FBXL17: variants seen among roughly 807,000 people sequenced by gnomAD.
The protein encoded by FBXL17 is F-box/LRR-repeat protein 17.
A neutral mutation model predicts 66.2 loss-of-function variants in FBXL17; 22 were observed. The observed-to-expected ratio is 0.33, with a 90% CI of 0.24 to 0.47. The LOEUF (loss-of-function observed/expected upper bound fraction) is 0.47. FBXL17 is among the 20% of genes least tolerant of loss of function. The pLI, the probability that FBXL17 is intolerant of heterozygous loss-of-function variation, is 1.00. For missense variants in FBXL17, 878 were observed against 948.2 expected (o/e 0.93, Z 0.97); for synonymous variants, 474 against 400.5 (o/e 1.18, Z -2.19).
chr5:108,284,678 C>T (rs1418497957), intron 4 of FBXL17, among the ~76,000 whole-genome samples: 1 of 151,800 alleles, frequency 6.6e-6, no homozygotes, highest in Non-Finnish European at 1.5e-5. Context: ...AACAAAATTG[C>T]ACATGTACCC....
chr5:108,150,878 A>G (rs1360916299), intron 6 of FBXL17, among the ~76,000 whole-genome samples: 1 of 152,164 alleles, frequency 6.6e-6, no homozygotes, highest in African/African-American at 2.4e-5. Flanking sequence ...GCCCTACATA[A>G]TTAATAATTA....
intron 4 of FBXL17, among the ~76,000 whole-genome samples, chr5:108,233,480 T>C (rs1035624859): frequency 1.3e-5 from 2 of 152,190 alleles, no homozygotes; most frequent in South Asian, 4.2e-4. Context: ...GACTCAGGAT[T>C]TGGAAAGAAG....
At chr5:108,342,092 T>G (rs1746921316) in intron 4 of FBXL17, among the ~76,000 whole-genome samples, 1 of 152,178 alleles carries the variant, frequency 6.6e-6, no homozygotes, top group African/African-American at 2.4e-5. Flanking sequence ...ACATAGTAAC[T>G]GTTCAAATGT....
chr5:108,159,151 C>T (rs914259952), intron 6 of FBXL17, among the ~76,000 whole-genome samples: 9 of 152,138 alleles, frequency 5.9e-5, no homozygotes, highest in African/African-American at 2.2e-4. Context: ...TTACTCTAAA[C>T]AGAGAAATCT....
chr5:108,038,440 A>C (rs1746929040), intron 6 of FBXL17, among the ~76,000 whole-genome samples: 1 of 152,072 alleles, frequency 6.6e-6, no homozygotes. Context: ...TCAATGGCAA[A>C]ATGTTGGCAA....
intron 7 of FBXL17, among the ~76,000 whole-genome samples, chr5:107,950,134 T>C (rs910540258): frequency 1.3e-5 from 2 of 152,116 alleles, no homozygotes; most frequent in African/African-American, 4.8e-5. Context: ...GAGAGGGTTG[T>C]TGAAGAAGGG....
intron 5 of FBXL17, among the ~76,000 whole-genome samples, chr5:108,211,424 T>G (rs1754366045): frequency 6.6e-6 from 1 of 152,218 alleles, no homozygotes; most frequent in Non-Finnish European, 1.5e-5. Flanking sequence ...ATAGTATCGA[T>G]GTTCTTTACA....
Position 108,172,165 on chromosome 5 carries a change from G to A in FBXL17, c.1745+13952C>T, listed in dbSNP as rs77973676. 7.3e-3 allele frequency among the ~76,000 whole-genome samples: 1,106 copies of A among 152,320 alleles called. 15 individuals carry two copies. The highest frequency in any genetic ancestry group is 0.025 in the African/African-American group (1,036 of 41,574). On this transcript the variant is annotated intron_variant, in intron 6 of 8. Transcript: ENST00000542267. ...ACATGTTTGACAGTTGGTTCTGGCT[G>A]TTGTTTAGACTTCCATCTTCATGTG...
intron 6 of FBXL17, among the ~76,000 whole-genome samples, chr5:108,152,034 T>A (rs1561435739): frequency 6.6e-6 from 1 of 152,138 alleles, no homozygotes; most frequent in Non-Finnish European, 1.5e-5. Flanking sequence ...CAATGGGTCC[T>A]CAAGATTTTG....
chr5:108,293,703 AAATT>A (rs1478759094), intron 4 of FBXL17, among the ~76,000 whole-genome samples: 5 of 152,170 alleles, frequency 3.3e-5, no homozygotes, highest in African/African-American at 1.2e-4. Flanking sequence ...ACCACTGCAG[AAATT>A]ATTTAAGAAC....
chr5:108,357,927 A>G (rs572058699), intron 3 of FBXL17, among the ~76,000 whole-genome samples: 1 of 152,148 alleles, frequency 6.6e-6, no homozygotes, highest in Non-Finnish European at 1.5e-5. Context: ...CAGTGTTTAA[A>G]GGCAAATTTA....
At chr5:107,999,291 T>C (rs973988722) in intron 7 of FBXL17, among the ~76,000 whole-genome samples, 12 of 152,306 alleles carry the variant, frequency 7.9e-5, no homozygotes, top group Admixed American at 2.6e-4. Context: ...AAATACCTGT[T>C]GACTGAGAGC....
chr5:108,207,310 AC>A (rs1170285561), intron 5 of FBXL17, among the ~76,000 whole-genome samples: 6 of 151,774 alleles, frequency 4.0e-5, no homozygotes, highest in Non-Finnish European at 8.8e-5. Context: ...CTAAATTCTC[AC>A]CAACAATTGA....
intron 7 of FBXL17, among the ~76,000 whole-genome samples, chr5:108,004,487 T>A (rs772997479): frequency 6.6e-6 from 1 of 152,198 alleles, no homozygotes; most frequent in Non-Finnish European, 1.5e-5. Context: ...AAAATACTCA[T>A]ATTTTCTACC....
chr5:107,901,902 T>C (rs560538513), intron 7 of FBXL17, among the ~76,000 whole-genome samples: 1 of 152,300 alleles, frequency 6.6e-6, no homozygotes, highest in Admixed American at 6.5e-5. Context: ...TACAGTGCAG[T>C]CAGTTTAAAT....
At chr5:108,319,243 C>G (rs1172099678) in intron 4 of FBXL17, among the ~76,000 whole-genome samples, 1 of 151,778 alleles carries the variant, frequency 6.6e-6, no homozygotes, top group Admixed American at 6.6e-5. Flanking sequence ...GAGAGAAAAG[C>G]AAAATACCAA....
chr5:108,167,463 G>A (rs762244081), intron 6 of FBXL17, among the ~76,000 whole-genome samples: 1 of 152,138 alleles, frequency 6.6e-6, no homozygotes, highest in Non-Finnish European at 1.5e-5. Context: ...GTTTAGCAAG[G>A]TTAGTGAATG....
intron 6 of FBXL17, among the ~76,000 whole-genome samples, chr5:108,157,804 C>T (rs1240544459): frequency 6.6e-6 from 1 of 151,862 alleles, no homozygotes; most frequent in Non-Finnish European, 1.5e-5. Context: ...TTTAAAAGTT[C>T]AATGTTAAGC....
chr5:108,121,757 CTG>C (rs918708376), intron 6 of FBXL17, among the ~76,000 whole-genome samples: 2 of 152,164 alleles, frequency 1.3e-5, no homozygotes, highest in African/African-American at 4.8e-5. Context: ...GGGGGTTTCA[CTG>C]TGTTAGCCAG....
Sources: allele counts gnomAD v4.1 joint callset (sites outside exome capture counted in the v4.1 genomes callset), GRCh38; gene constraint gnomAD v4.1.1; transcripts MANE v1.5; gene names NCBI Gene and HGNC (gene_info 2026-07-23, HGNC 2026-07-21).